The following ELOVL2 variants were observed in gnomAD, a reference collection of about 807,000 sequenced individuals.
ELOVL2 encodes the protein very long chain fatty acid elongase 2.
ELOVL2 carries 38 observed loss-of-function variants against 37.7 expected under a neutral mutation model. That is an observed-to-expected ratio of 1.01 (90% CI 0.78 to 1.32). The LOEUF (loss-of-function observed/expected upper bound fraction) is 1.32. ELOVL2 is among the 40% of genes most tolerant of loss of function. The pLI is 0.00. For synonymous variants in ELOVL2, 115 were observed against 122.3 expected (o/e 0.94, Z 0.40); for missense variants, 352 against 363.6 (o/e 0.97, Z 0.26).
intron 4 of ELOVL2, among the ~76,000 whole-genome samples, chr6:10,998,004 A>G (rs1782303546): frequency 6.6e-6 from 1 of 152,114 alleles, no homozygotes. Flanking sequence ...TCACGGTGGC[A>G]GATCCCTCAT....
rs1781985583 is a variant in ELOVL2, at chr6:10,983,658, CA to C, written c.*122del. The stretch of plus-strand genomic sequence containing the variant: ...GCAATATATTAATACATTCTGGGTA[CA>C]AATGATTTATGAACTCAAAAGAAAT... On this transcript the variant is annotated 3_prime_UTR_variant, in exon 8 of 8. Coordinates refer to ENST00000354666, the MANE Select transcript of ELOVL2 (RefSeq NM_017770.4). 16 of 1,078,158 alleles carry C rather than the reference CA, an allele frequency of 1.5e-5. No individual in the cohort carries two copies. The South Asian group carries it at 2.8e-4, about 19-fold the overall frequency. The allele number at this position is 1,078,158 out of a possible 1,614,324, so 66.8% of individuals were successfully genotyped here.
At chr6:11,026,860 A>T (rs1203890940) in intron 1 of ELOVL2, among the ~76,000 whole-genome samples, 1 of 146,696 alleles carries the variant, frequency 6.8e-6, no homozygotes, top group Non-Finnish European at 1.5e-5. Flanking sequence ...TTACATAGAG[A>T]TTTCTTTTAA....
intron 2 of ELOVL2, among the ~76,000 whole-genome samples, chr6:11,010,109 T>C (rs1448768326): frequency 6.6e-6 from 1 of 150,632 alleles, no homozygotes; most frequent in Non-Finnish European, 1.5e-5. Context: ...CTGCAAACTC[T>C]GCCTCCTGGG....
At chr6:11,036,849 T>G (rs1426906775) in intron 1 of ELOVL2, among the ~76,000 whole-genome samples, 1 of 152,090 alleles carries the variant, frequency 6.6e-6, no homozygotes, top group Non-Finnish European at 1.5e-5. Context: ...AAATTGAAAA[T>G]AGCCTAATTT....
chr6:10,996,085 AT>A (rs1782263612), intron 4 of ELOVL2, among the ~76,000 whole-genome samples: 1 of 151,810 alleles, frequency 6.6e-6, no homozygotes, highest in Non-Finnish European at 1.5e-5. Context: ...ATAGGGAGAC[AT>A]TTCTTTAGTT....
intron 4 of ELOVL2, among the ~76,000 whole-genome samples, chr6:10,998,486 G>A (rs1782313783): frequency 6.6e-6 from 1 of 151,946 alleles, no homozygotes; most frequent in South Asian, 2.1e-4. Context: ...ACCTTCAAAA[G>A]GTAACAATAA....
At chr6:11,034,189 T>C (rs1252841780) in intron 1 of ELOVL2, among the ~76,000 whole-genome samples, 1 of 152,242 alleles carries the variant, frequency 6.6e-6, no homozygotes, top group Non-Finnish European at 1.5e-5. Context: ...CCCAGCCCTG[T>C]ATATTATGAA....
At position 10,998,412 on chromosome 6, in the gene ELOVL2, C is replaced by T. The variant is rs572362479; in HGVS notation, c.333+1675G>A. On this transcript the variant is annotated intron_variant, in intron 4 of 7. Coordinates refer to ENST00000354666, the MANE Select transcript of ELOVL2 (RefSeq NM_017770.4). ...GATTTGGAAATTCACATATGAAAGG[C>T]AAGATAAATGTTTAATTCTTTCCCT... 1.6e-4 allele frequency among the ~76,000 whole-genome samples: 25 copies of T among 152,238 alleles called. 1 individual carries two copies. In the South Asian group the frequency reaches 5.0e-3, roughly 30 times the overall value.
At chr6:10,996,435 C>T (rs149905211) in intron 4 of ELOVL2, among the ~76,000 whole-genome samples, 377 of 151,910 alleles carry the variant, frequency 2.5e-3, no homozygotes, top group African/African-American at 7.8e-3. Context: ...TTTGGGAGGC[C>T]GAGGTGGGTG....
chr6:11,008,596 T>C (rs1782519765), intron 2 of ELOVL2, among the ~76,000 whole-genome samples: 1 of 151,648 alleles, frequency 6.6e-6, no homozygotes, highest in South Asian at 2.1e-4. Context: ...GGGTCCCGGG[T>C]CCTGCATGCC....
chr6:11,005,299 G>C, intron 3 of ELOVL2, 73 bp downstream of exon 3: 1 of 1,340,996 alleles, frequency 7.5e-7, no homozygotes, highest in Non-Finnish European at 1.0e-6. Flanking sequence ...GTTCTGCCAG[G>C]CTAGATGTGG....
chr6:10,984,024 T>C (rs1781994354), intron 7 of ELOVL2, 118 bp from the exon 8 acceptor site: 1 of 991,160 alleles, frequency 1.0e-6, no homozygotes, highest in East Asian at 2.7e-5. Context: ...GATTTTCTGT[T>C]TTTGTCTTTT....
chr6:11,037,319 C>T (rs1581883926), intron 1 of ELOVL2, among the ~76,000 whole-genome samples: 1 of 151,956 alleles, frequency 6.6e-6, no homozygotes, highest in Non-Finnish European at 1.5e-5. Context: ...CTCTTTGACC[C>T]TGCCAAAGAA....
chr6:10,998,312 T>G (rs2113494495), intron 4 of ELOVL2, among the ~76,000 whole-genome samples: 1 of 152,276 alleles, frequency 6.6e-6, no homozygotes, highest in African/African-American at 2.4e-5. Flanking sequence ...TCACTAGGAG[T>G]TGCAAAATGG....
At chr6:10,986,784 C>T (rs1335429717) in intron 7 of ELOVL2, among the ~76,000 whole-genome samples, 5 of 152,142 alleles carry the variant, frequency 3.3e-5, no homozygotes, top group African/African-American at 1.2e-4. Context: ...CATCAATGTT[C>T]ATCAAGGATA....
intron 2 of ELOVL2, among the ~76,000 whole-genome samples, chr6:11,005,873 A>T (rs942163395): frequency 6.6e-6 from 1 of 152,212 alleles, no homozygotes; most frequent in African/African-American, 2.4e-5. Context: ...AATTAATATG[A>T]AGTAAGTACT....
intron 2 of ELOVL2, among the ~76,000 whole-genome samples, chr6:11,008,728 C>G (rs1357081650): frequency 2.0e-5 from 3 of 152,130 alleles, no homozygotes; most frequent in Non-Finnish European, 4.4e-5. Context: ...GCCTACCCCA[C>G]AGAGTCATCA....
At chr6:11,010,618 A>G in intron 2 of ELOVL2, 128 bp downstream of exon 2, 1 of 756,986 alleles carries the variant, frequency 1.3e-6, no homozygotes, top group East Asian at 2.6e-5. Context: ...AAGTTGAGGA[A>G]GTTAAGTTTC....
intron 1 of ELOVL2, among the ~76,000 whole-genome samples, chr6:11,022,999 C>A (rs1782788099): frequency 6.6e-6 from 1 of 152,166 alleles, no homozygotes; most frequent in Admixed American, 6.5e-5. Context: ...GCCAAAGCTT[C>A]AATTTCATAA....
Sources: allele counts gnomAD v4.1 joint callset (sites outside exome capture counted in the v4.1 genomes callset), GRCh38; gene constraint gnomAD v4.1.1; transcripts MANE v1.5; gene names NCBI Gene and HGNC (gene_info 2026-07-23, HGNC 2026-07-21).